EBF1: variants seen among roughly 807,000 people sequenced by gnomAD.
The protein encoded by EBF1 is EBF transcription factor 1, also known as transcription factor COE1.
EBF1 carries 10 observed loss-of-function variants against 68.4 expected under a neutral mutation model. The observed-to-expected ratio is 0.15, with a 90% CI of 0.09 to 0.25. The LOEUF (loss-of-function observed/expected upper bound fraction) is 0.25. Ranked by LOEUF, EBF1 falls within the 10% of genes least tolerant of loss-of-function variation. The pLI is 1.00. For missense variants in EBF1, 509 were observed against 794.4 expected (o/e 0.64, Z 4.32); for synonymous variants, 298 against 299.8 (o/e 0.99, Z 0.06).
intron 6 of EBF1, among the ~76,000 whole-genome samples, chr5:158,957,634 A>G (rs1378159935): frequency 2.6e-5 from 4 of 152,266 alleles, no homozygotes; most frequent in Admixed American, 6.5e-5. Context: ...CAGGTAAGCC[A>G]TAGTTCCATG....
intron 10 of EBF1, among the ~76,000 whole-genome samples, chr5:158,731,523 A>G (rs1764083332): frequency 6.6e-6 from 1 of 152,244 alleles, no homozygotes; most frequent in Non-Finnish European, 1.5e-5. Flanking sequence ...GCCTGGTGGT[A>G]TCTATACATT....
rs1756060036 is a variant in EBF1, at chr5:158,698,305, G to A, written c.*806C>T. On this transcript the variant is annotated 3_prime_UTR_variant, in exon 16 of 16. Transcript: ENST00000313708. ...AGCTCTCGAGAGGCCATCGGCTTCA[G>A]AAGAAACTGACTTAAGTAAAAGGAG... is the stretch of plus-strand genomic sequence containing the variant. 1.3e-5 allele frequency: 3 copies of A among 222,530 alleles called. No individual in the cohort carries two copies. Among genetic ancestry groups the A allele is most frequent in the Non-Finnish European group, 2.7e-5 (3 of 111,182 alleles). The allele number at this position is 222,530 out of a possible 1,614,324, so 13.8% of individuals were successfully genotyped here. A position where few individuals can be genotyped will look rare whatever the true frequency, so the allele number is the denominator to read the frequency against.
chr5:158,968,060 A>G (rs1412169132), intron 6 of EBF1, among the ~76,000 whole-genome samples: 2 of 152,238 alleles, frequency 1.3e-5, no homozygotes, highest in African/African-American at 4.8e-5. Flanking sequence ...ACATCATGGA[A>G]AAACACATGT....
chr5:158,860,130 A>G (rs1225567738), intron 6 of EBF1, among the ~76,000 whole-genome samples: 1 of 152,244 alleles, frequency 6.6e-6, no homozygotes, highest in Non-Finnish European at 1.5e-5. Flanking sequence ...TATCAACATG[A>G]TTACAATTAT....
intron 11 of EBF1, among the ~76,000 whole-genome samples, chr5:158,716,372 C>T (rs1760708042): frequency 6.6e-6 from 1 of 152,224 alleles, no homozygotes; most frequent in South Asian, 2.1e-4. Context: ...CATGATGCTG[C>T]CTTCTTTGAT....
intron 11 of EBF1, among the ~76,000 whole-genome samples, chr5:158,719,753 C>T (rs940271634): frequency 3.9e-5 from 6 of 152,084 alleles, no homozygotes; most frequent in Admixed American, 6.6e-5. Context: ...TACCCATACA[C>T]GAACACAACA....
At chr5:158,717,396 T>A (rs753338013) in intron 11 of EBF1, among the ~76,000 whole-genome samples, 1 of 152,200 alleles carries the variant, frequency 6.6e-6, no homozygotes, top group African/African-American at 2.4e-5. Context: ...TAAATTCTTA[T>A]TTTTTGTGGC....
chr5:158,872,534 T>G (rs1342540314), intron 6 of EBF1, among the ~76,000 whole-genome samples: 1 of 152,166 alleles, frequency 6.6e-6, no homozygotes. Flanking sequence ...GGTGATAGAA[T>G]GGAAGGAAAT....
intron 6 of EBF1, among the ~76,000 whole-genome samples, chr5:158,890,577 T>C (rs777079850): frequency 6.6e-6 from 1 of 152,252 alleles, no homozygotes; most frequent in Non-Finnish European, 1.5e-5. Context: ...AGACAAGAAC[T>C]GAGAGCAGCA....
At chr5:158,912,481 G>A (rs900055150) in intron 6 of EBF1, among the ~76,000 whole-genome samples, 1 of 152,146 alleles carries the variant, frequency 6.6e-6, no homozygotes, top group African/African-American at 2.4e-5. Context: ...TAAATTTGCT[G>A]GATCATAAAA....
Position 158,696,596 on chromosome 5 carries a change from G to A in EBF1, c.*2515C>T, listed in dbSNP as rs980512011. 7 of 221,046 alleles carry A rather than the reference G, an allele frequency of 3.2e-5. No individual in the cohort carries two copies. Among genetic ancestry groups the A allele is most frequent in the Non-Finnish European group, 5.4e-5 (6 of 110,468 alleles). 13.7% of individuals were successfully genotyped at this position (221,046 alleles called of 1,614,324 possible). A position where few individuals can be genotyped will look rare whatever the true frequency, so the allele number is the denominator to read the frequency against. ...AATTCAGATAACCTTTCTGAGTACC[G>A]AGAAGCAATGCGTCCACCTTGCTTA... On this transcript the variant is annotated 3_prime_UTR_variant, in exon 16 of 16. Coordinates refer to ENST00000313708, the MANE Select transcript of EBF1 (RefSeq NM_024007.5).
chr5:158,734,104 C>G (rs1243981666), intron 10 of EBF1, among the ~76,000 whole-genome samples: 4 of 152,086 alleles, frequency 2.6e-5, no homozygotes, highest in African/African-American at 4.8e-5. Flanking sequence ...ATTACAGGAG[C>G]ATGTGTACAA....
chr5:158,756,879 G>T (rs534643504), intron 10 of EBF1, among the ~76,000 whole-genome samples: 1 of 151,386 alleles, frequency 6.6e-6, no homozygotes, highest in East Asian at 1.9e-4. Flanking sequence ...GGACACGTGG[G>T]CACTAATTCC....
intron 8 of EBF1, among the ~76,000 whole-genome samples, chr5:158,800,964 A>T (rs1041834832): frequency 1.3e-5 from 2 of 152,158 alleles, no homozygotes; most frequent in African/African-American, 4.8e-5. Flanking sequence ...TTCCTCTCCA[A>T]TGAATTTTCA....
At chr5:158,796,204 G>C in intron 9 of EBF1, 141 bp downstream of exon 9, 1 of 918,378 alleles carries the variant, frequency 1.1e-6, no homozygotes, top group Non-Finnish European at 1.5e-6. Flanking sequence ...AACTCTTCTA[G>C]TTTCCCCAAA....
chr5:158,778,661 G>A (rs1361239902), intron 9 of EBF1, among the ~76,000 whole-genome samples: 2 of 152,074 alleles, frequency 1.3e-5, no homozygotes, highest in Non-Finnish European at 1.5e-5. Flanking sequence ...GTCCCTGACT[G>A]GATAAACTGT....
chr5:158,906,557 TACTC>T (rs1562267620), intron 6 of EBF1, among the ~76,000 whole-genome samples: 1 of 152,188 alleles, frequency 6.6e-6, no homozygotes, highest in African/African-American at 2.4e-5. Flanking sequence ...ACACGTCTCA[TACTC>T]ACCACGAAGC....
At chr5:158,718,692 C>T (rs1254933887) in intron 11 of EBF1, among the ~76,000 whole-genome samples, 1 of 152,112 alleles carries the variant, frequency 6.6e-6, no homozygotes, top group African/African-American at 2.4e-5. Flanking sequence ...GGATTCAACC[C>T]CAGGCCTGTT....
chr5:158,827,500 G>A (rs759879934), intron 7 of EBF1, among the ~76,000 whole-genome samples: 9 of 152,134 alleles, frequency 5.9e-5, no homozygotes, highest in Non-Finnish European at 1.3e-4. Context: ...TAAATGAGAT[G>A]TCTCATCAGT....
Sources: gnomAD v4.1 joint callset for allele counts (sites outside exome capture counted in the v4.1 genomes callset) on GRCh38, gnomAD v4.1.1 for gene constraint, MANE v1.5 for transcripts, NCBI Gene and HGNC (gene_info 2026-07-23, HGNC 2026-07-21) for gene names.